Variants in LYPLAL1 observed in about 807,000 individuals in gnomAD.
The protein encoded by LYPLAL1 is lysophospholipase-like protein 1.
In LYPLAL1, 23 loss-of-function variants were observed where a neutral mutation model predicts 19.7. The observed-to-expected ratio is 1.17, with a 90% CI of 0.84 to 1.65. The LOEUF (loss-of-function observed/expected upper bound fraction) is 1.65. Ranked by LOEUF, LYPLAL1 falls within the 40% of genes most tolerant of loss-of-function variation. The pLI is 0.00. For missense variants in LYPLAL1, 355 were observed against 279.4 expected, an observed-to-expected ratio of 1.27 and a Z score of -1.93; for synonymous variants, 119 against 96.3, an observed-to-expected ratio of 1.24 and a Z score of -1.38.
the LYPLAL1 span, among the ~76,000 whole-genome samples, chr1:219,286,374 AAAAC>A: frequency 1.1e-4 from 17 of 152,338 alleles, no homozygotes; most frequent in Middle Eastern, 3.4e-3. Flanking sequence ...TTAAAATTTC[AAAAC>A]AAACAATCTA....
the LYPLAL1 span, among the ~76,000 whole-genome samples, chr1:219,246,864 G>A: frequency 2.0e-5 from 3 of 152,140 alleles, no homozygotes; most frequent in Non-Finnish European, 4.4e-5. Context: ...GAGATTTCAG[G>A]CCTGAGCCAC....
the LYPLAL1 span, among the ~76,000 whole-genome samples, chr1:219,223,503 A>AAATATATTTT: frequency 1.3e-5 from 2 of 152,158 alleles, no homozygotes; most frequent in East Asian, 3.9e-4. Context: ...TATTACTTCA[A>AAATATATTTT]AATATATTTT....
the LYPLAL1 span, among the ~76,000 whole-genome samples, chr1:219,336,265 C>T: frequency 2.1e-4 from 32 of 151,622 alleles, 1 homozygote; most frequent in South Asian, 6.5e-3. Context: ...TTGCAAAAAG[C>T]CTGAATTTTA....
the LYPLAL1 span, among the ~76,000 whole-genome samples, chr1:219,415,461 A>G: frequency 0.41 from 61,881 of 152,130 alleles, 13,650 homozygotes; most frequent in East Asian, 0.8. Context: ...ATCAATCACC[A>G]TCACAGGCAG....
intron 3 of LYPLAL1, among the ~76,000 whole-genome samples, chr1:219,207,080 C>A (rs1401982897): frequency 2.6e-5 from 4 of 151,890 alleles, no homozygotes; most frequent in Non-Finnish European, 5.9e-5. Flanking sequence ...AGAATTGGTT[C>A]CTTGGTCACA....
chr1:219,277,627 C>T, the LYPLAL1 span, among the ~76,000 whole-genome samples: 1 of 152,164 alleles, frequency 6.6e-6, no homozygotes, highest in Admixed American at 6.5e-5. Context: ...ATCTGATGGC[C>T]TCACACACTA....
the LYPLAL1 span, among the ~76,000 whole-genome samples, chr1:219,379,131 G>A: frequency 1.3e-5 from 2 of 152,132 alleles, no homozygotes; most frequent in African/African-American, 4.8e-5. Flanking sequence ...TCATAAGTAT[G>A]TCTGCAACAA....
chr1:219,383,328 C>T, the LYPLAL1 span, among the ~76,000 whole-genome samples: 3 of 152,166 alleles, frequency 2.0e-5, no homozygotes, highest in African/African-American at 7.2e-5. Context: ...TATTTCAAAG[C>T]TTTGAAAGTG....
chr1:219,251,181 C>A, the LYPLAL1 span, among the ~76,000 whole-genome samples: 2 of 151,884 alleles, frequency 1.3e-5, no homozygotes, highest in East Asian at 1.9e-4. Flanking sequence ...GGGTGTTAGA[C>A]CTTTGTCAGG....
At chr1:219,240,261 CTT>C in the LYPLAL1 span, among the ~76,000 whole-genome samples, 1 of 151,970 alleles carries the variant, frequency 6.6e-6, no homozygotes, top group Non-Finnish European at 1.5e-5. Flanking sequence ...AGAAATATAA[CTT>C]ATAAATATCT....
At chr1:219,299,307 A>G in the LYPLAL1 span, among the ~76,000 whole-genome samples, 5 of 152,186 alleles carry the variant, frequency 3.3e-5, no homozygotes, top group Admixed American at 3.3e-4. Flanking sequence ...CAGGGCGAGC[A>G]AACACTGTTA....
At chr1:219,373,866 A>G in the LYPLAL1 span, among the ~76,000 whole-genome samples, 2 of 16,718 alleles carry the variant, frequency 1.2e-4, no homozygotes, top group Non-Finnish European at 2.9e-4. Flanking sequence ...AAATTGTCAA[A>G]AAAAAAAAAA....
chr1:219,187,112 C>G (rs779533013), intron 2 of LYPLAL1, among the ~76,000 whole-genome samples: 2 of 150,690 alleles, frequency 1.3e-5, no homozygotes, highest in Non-Finnish European at 3.0e-5. Flanking sequence ...TGTATTTTGT[C>G]TGCATACATT....
chr1:219,433,472 A>G, the LYPLAL1 span, among the ~76,000 whole-genome samples: 1 of 152,228 alleles, frequency 6.6e-6, no homozygotes, highest in South Asian at 2.1e-4. Flanking sequence ...GGCATATTTA[A>G]CTACATTAAA....
the LYPLAL1 span, among the ~76,000 whole-genome samples, chr1:219,305,153 G>T: frequency 6.6e-6 from 1 of 152,116 alleles, no homozygotes; most frequent in Admixed American, 6.5e-5. Context: ...GAATGGGAAG[G>T]ACCAGAATTT....
chr1:219,384,780 A>G, the LYPLAL1 span, among the ~76,000 whole-genome samples: 1 of 152,240 alleles, frequency 6.6e-6, no homozygotes, highest in Non-Finnish European at 1.5e-5. Context: ...ATACAGAAGC[A>G]GCATTCCTAA....
chr1:219,366,609 T>G, the LYPLAL1 span, among the ~76,000 whole-genome samples: 1 of 152,206 alleles, frequency 6.6e-6, no homozygotes, highest in African/African-American at 2.4e-5. Context: ...ACCACCATAC[T>G]TGTTCTAAAG....
At chr1:219,375,409 T>TGAGCCAGGATCGCAGCACTGCACTC in the LYPLAL1 span, among the ~76,000 whole-genome samples, 5 of 143,874 alleles carry the variant, frequency 3.5e-5, no homozygotes, top group African/African-American at 1.0e-4. Flanking sequence ...GAGGTTGCAG[T>TGAGCCAGGATCGCAGCACTGCACTC]GAGCCAGGAT....
the LYPLAL1 span, among the ~76,000 whole-genome samples, chr1:219,287,045 C>T: frequency 1.3e-5 from 2 of 152,166 alleles, no homozygotes; most frequent in Admixed American, 6.6e-5. Flanking sequence ...ACACATCTAC[C>T]ATGCATTTAC....
Sources: gnomAD v4.1 joint callset for allele counts (sites outside exome capture counted in the v4.1 genomes callset) on GRCh38, gnomAD v4.1.1 for gene constraint, MANE v1.5 for transcripts, NCBI Gene and HGNC (gene_info 2026-07-23, HGNC 2026-07-21) for gene names.